Variants in ZSWIM5 observed in about 807,000 individuals in gnomAD.
ZSWIM5 encodes zinc finger SWIM-type containing 5, also known as zinc finger SWIM domain-containing protein 5.
Under a neutral mutation model 119.6 loss-of-function variants are expected in ZSWIM5, and 55 were observed. That is an observed-to-expected ratio of 0.46 (90% CI 0.37 to 0.58). The LOEUF (loss-of-function observed/expected upper bound fraction) is 0.58. ZSWIM5 is among the 20% of genes least tolerant of loss of function. ZSWIM5 has a pLI of 0.00. For missense variants in ZSWIM5, 1,193 were observed against 1,512.8 expected, an observed-to-expected ratio of 0.79 and a Z score of 3.51; for synonymous variants, 537 against 606.9, an observed-to-expected ratio of 0.88 and a Z score of 1.69.
intron 5 of ZSWIM5, among the ~76,000 whole-genome samples, chr1:45,047,945 A>G (rs1265787538): frequency 6.6e-6 from 1 of 152,192 alleles, no homozygotes; most frequent in Non-Finnish European, 1.5e-5. Context: ...GGCACAGACT[A>G]GGGAAATGTA....
At chr1:45,090,912 T>C (rs962282334) in intron 1 of ZSWIM5, among the ~76,000 whole-genome samples, 1 of 151,852 alleles carries the variant, frequency 6.6e-6, no homozygotes, top group Admixed American at 6.6e-5. Context: ...CACCAGACAT[T>C]GCCAGCAGAG....
At position 45,058,779 on chromosome 1, in the gene ZSWIM5, A is replaced by G. The variant is rs771519172; in HGVS notation, c.1102-20T>C. 1.2e-6 allele frequency: 2 copies of G among 1,613,304 alleles called. No homozygotes were observed. The highest frequency in any genetic ancestry group is 2.7e-5 in the African/African-American group (2 of 74,946). Reference sequence around the variant, plus strand: ...TCGAACCTGACACATAAGAAGTGGCAAGGGATTGGTGATTGTGTATCACAA... The same window carrying G: ...TCGAACCTGACACATAAGAAGTGGCGAGGGATTGGTGATTGTGTATCACAA... On this transcript the variant is annotated intron_variant, in intron 3 of 13. Transcript: ENST00000359600.
intron 1 of ZSWIM5, among the ~76,000 whole-genome samples, chr1:45,150,813 A>G (rs991216822): frequency 1.3e-5 from 2 of 152,206 alleles, no homozygotes; most frequent in African/African-American, 4.8e-5. Flanking sequence ...CTTGCCCATG[A>G]TCAGTACTTA....
intron 1 of ZSWIM5, among the ~76,000 whole-genome samples, chr1:45,171,450 A>T (rs2149045384): frequency 2.0e-5 from 3 of 152,262 alleles, no homozygotes; most frequent in African/African-American, 7.2e-5. Flanking sequence ...GGTAACTGAC[A>T]AAGATTAATC....
At chr1:45,200,638 T>C (rs1332770506) in intron 1 of ZSWIM5, among the ~76,000 whole-genome samples, 2 of 152,196 alleles carry the variant, frequency 1.3e-5, no homozygotes, top group East Asian at 3.8e-4. Flanking sequence ...CACACAGTCA[T>C]CATTTTTTAT....
chr1:45,109,667 C>T (rs1645503644), intron 1 of ZSWIM5, among the ~76,000 whole-genome samples: 1 of 151,786 alleles, frequency 6.6e-6, no homozygotes, highest in African/African-American at 2.4e-5. Flanking sequence ...ATCACTTGAA[C>T]CTGGGAGGCA....
intron 1 of ZSWIM5, among the ~76,000 whole-genome samples, chr1:45,180,611 G>C (rs962349848): frequency 6.6e-6 from 1 of 152,176 alleles, no homozygotes; most frequent in Non-Finnish European, 1.5e-5. Flanking sequence ...GGAGATCTGA[G>C]AACGGGCAGA....
At chr1:45,169,088 C>A (rs548290549) in intron 1 of ZSWIM5, among the ~76,000 whole-genome samples, 1 of 152,170 alleles carries the variant, frequency 6.6e-6, no homozygotes, top group African/African-American at 2.4e-5. Flanking sequence ...CTTACGCACT[C>A]TCTCATAAAC....
At chr1:45,061,452 C>A (rs1301688908) in intron 2 of ZSWIM5, among the ~76,000 whole-genome samples, 1 of 151,332 alleles carries the variant, frequency 6.6e-6, no homozygotes, top group East Asian at 1.9e-4. Flanking sequence ...CTCACTGCAA[C>A]CTCCACCTCC....
intron 1 of ZSWIM5, among the ~76,000 whole-genome samples, chr1:45,190,996 G>C (rs1432684866): frequency 7.5e-6 from 1 of 133,152 alleles, no homozygotes; most frequent in African/African-American, 2.9e-5. Flanking sequence ...GCCCAGGCCG[G>C]AGTGCAGTGG....
At position 45,134,636 on chromosome 1, in the gene ZSWIM5, G is replaced by A. The variant is rs78600877; in HGVS notation, c.596-46399C>T. ...GTAATCCCAGGAAAACAGTGCATAT[G>A]TAAACAGAATCATTTCCTTCTTTTT... On this transcript the variant is annotated intron_variant, in intron 1 of 13. Transcript: ENST00000359600. 4.0e-3 allele frequency among the ~76,000 whole-genome samples: 610 copies of A among 152,356 alleles called. 1 individual carries two copies. The highest frequency in any genetic ancestry group is 0.014 in the African/African-American group (593 of 41,582).
At chr1:45,089,089 C>A (rs2149012128) in intron 1 of ZSWIM5, among the ~76,000 whole-genome samples, 1 of 151,990 alleles carries the variant, frequency 6.6e-6, no homozygotes, top group East Asian at 1.9e-4. Flanking sequence ...GCCTCAAGTG[C>A]AAAAATACAG....
At chr1:45,141,230 A>C (rs1449621054) in intron 1 of ZSWIM5, among the ~76,000 whole-genome samples, 8 of 152,196 alleles carry the variant, frequency 5.3e-5, no homozygotes, top group Non-Finnish European at 1.2e-4. Context: ...CAGTAGTTCT[A>C]AGAGGATGAG....
chr1:45,154,631 C>T (rs1327083248), intron 1 of ZSWIM5, among the ~76,000 whole-genome samples: 2 of 152,118 alleles, frequency 1.3e-5, no homozygotes, highest in East Asian at 3.9e-4. Context: ...CCTGTAATCC[C>T]AACACTTTGG....
intron 11 of ZSWIM5, 61 bp downstream of exon 11, chr1:45,034,251 A>G: frequency 8.0e-6 from 12 of 1,506,932 alleles, no homozygotes; most frequent in Non-Finnish European, 1.1e-5. Context: ...CAAGCCTTTG[A>G]CATGCCATGG....
At chr1:45,020,236 T>A in intron 12 of ZSWIM5, 89 bp from the exon 13 acceptor site, 1 of 1,092,126 alleles carries the variant, frequency 9.2e-7, no homozygotes, top group Admixed American at 1.9e-5. Flanking sequence ...ACAAATATTT[T>A]CTGGTGCTTT....
In ZSWIM5 at chr1:45,019,142, CACTGTAGA is replaced by C. The variant is rs1644872250; in HGVS notation, c.2862_2869del (p.Leu955CysfsTer17). Reference sequence around the variant, plus strand: ...ACAGCTCTGTGGATCCTTCATAGCACACTGTAGAGCCAGTGTGCGAGCACAGCTAGCCA... The same window carrying C: ...ACAGCTCTGTGGATCCTTCATAGCACGCCAGTGTGCGAGCACAGCTAGCCA... On this transcript the variant is annotated frameshift_variant, in exon 14 of 14. Transcript: ENST00000359600. LOFTEE classifies it high-confidence loss of function. This position sits in a 1 kb window ranked among gnomAD's most constrained non-coding sequence, Gnocchi z 5.0. 6.2e-7 allele frequency: 1 copy of C among 1,613,920 alleles called. No individual in the cohort carries two copies. The highest frequency in any genetic ancestry group is 1.3e-5 in the African/African-American group (1 of 74,924).
At chr1:45,157,093 A>G (rs1645831192) in intron 1 of ZSWIM5, among the ~76,000 whole-genome samples, 1 of 152,084 alleles carries the variant, frequency 6.6e-6, no homozygotes, top group African/African-American at 2.4e-5. Context: ...AACCATTAAC[A>G]AATTTTGCCT....
chr1:45,036,016 A>G (rs374315142), intron 9 of ZSWIM5, 23 bp downstream of exon 9: 97 of 1,608,146 alleles, frequency 6.0e-5, no homozygotes, highest in Non-Finnish European at 8.1e-5. Context: ...AGACACCGTG[A>G]CAAGAGACTC....
Sources: gnomAD v4.1 joint callset for allele counts (sites outside exome capture counted in the v4.1 genomes callset) on GRCh38, gnomAD v4.1.1 for gene constraint, Gnocchi (gnomAD v3.1) non-coding constraint, MANE v1.5 for transcripts, NCBI Gene and HGNC (gene_info 2026-07-23, HGNC 2026-07-21) for gene names.